Variants in PHACTR2 observed in about 807,000 individuals in gnomAD.
PHACTR2 encodes chromosome 6 open reading frame 56.
Under a neutral mutation model 76.0 loss-of-function variants are expected in PHACTR2, and 30 were observed. The observed-to-expected ratio is 0.39, with a 90% CI of 0.30 to 0.54. PHACTR2 has a LOEUF of 0.54. Among genes scored for constraint, PHACTR2 ranks in the 20% least tolerant of loss-of-function variants. PHACTR2 has a pLI of 0.61. For missense variants in PHACTR2, 696 were observed against 781.1 expected (o/e 0.89, Z 1.30); for synonymous variants, 292 against 292.5 (o/e 1.00, Z 0.02).
chr6:143,594,877 G>A (rs1046678831), intron 1 of PHACTR2, among the ~76,000 whole-genome samples: 4 of 152,240 alleles, frequency 2.6e-5, no homozygotes, highest in Admixed American at 1.3e-4. Context: ...GTTGCTGTCA[G>A]GTGGGGTGAG....
chr6:143,600,869 T>C (rs1775808149), intron 1 of PHACTR2, among the ~76,000 whole-genome samples: 1 of 152,180 alleles, frequency 6.6e-6, no homozygotes, highest in South Asian at 2.1e-4. Flanking sequence ...TTCAATAAAA[T>C]AAGATTCTAT....
chr6:143,745,118 T>C (rs1779027781), intron 2 of PHACTR2, among the ~76,000 whole-genome samples: 5 of 152,178 alleles, frequency 3.3e-5, no homozygotes, highest in Admixed American at 3.3e-4. Context: ...AGTATCTTGG[T>C]TGTGCTGTAG....
intron 12 of PHACTR2, chr6:143,810,639 G>T: frequency 2.4e-6 from 1 of 422,506 alleles, no homozygotes; most frequent in Non-Finnish European, 4.8e-6. Context: ...CTACCAGCCT[G>T]GTCAACATAG....
chr6:143,746,913 T>C (rs1779080366), intron 2 of PHACTR2, among the ~76,000 whole-genome samples: 1 of 152,134 alleles, frequency 6.6e-6, no homozygotes, highest in African/African-American at 2.4e-5. Flanking sequence ...TGTTGTTACT[T>C]GCTTCTGGAA....
chr6:143,641,743 T>C lies in PHACTR2; in HGVS notation c.13+33421T>C, dbSNP rs537903009. The stretch of plus-strand genomic sequence containing the variant: ...CTGGTCTTGAACTCCCAACCTCAGG[T>C]GATCCACTGGCCTCAGCCTCCGAAA... On this transcript the variant is annotated intron_variant, in intron 1 of 11. Transcript: ENST00000305766. The surrounding 1 kb of genome is among the most constrained non-coding windows in gnomAD (Gnocchi z 5.8). 7.2e-5 allele frequency among the ~76,000 whole-genome samples: 11 copies of C among 152,188 alleles called. No homozygotes were observed. The highest frequency in any genetic ancestry group is 2.6e-4 in the African/African-American group (11 of 41,524).
chr6:143,801,816 T>C lies in PHACTR2; in HGVS notation c.1846-5241T>C, dbSNP rs149764825. On this transcript the variant is annotated intron_variant, in intron 11 of 12. Transcript: ENST00000440869. This position sits in a 1 kb window ranked among gnomAD's most constrained non-coding sequence, Gnocchi z 4.6. Reference sequence around the variant, plus strand: ...GAATTTTCAGCCTTTCTGCCTTGGTTTCTCCCCATCTTTGTGGTTTTATTT... The same window carrying C: ...GAATTTTCAGCCTTTCTGCCTTGGTCTCTCCCCATCTTTGTGGTTTTATTT... 6.6e-3 allele frequency among the ~76,000 whole-genome samples: 1,002 copies of C among 152,316 alleles called. 12 individuals carry two copies. The highest frequency in any genetic ancestry group is 0.022 in the African/African-American group (913 of 41,574).
intron 12 of PHACTR2, among the ~76,000 whole-genome samples, chr6:143,815,406 C>T (rs1254354932): frequency 6.6e-6 from 1 of 151,918 alleles, no homozygotes; most frequent in Non-Finnish European, 1.5e-5. Context: ...CAAAGCCAAA[C>T]CCTGTCTCTT....
At position 143,646,122 on chromosome 6, in the gene PHACTR2, T is replaced by G. The variant is rs1482231355; in HGVS notation, c.13+37800T>G. ...CATCAAAATGTATATTCTCCAGTCC[T>G]TAAACAGGCATTCAATGAGCATCTC... On this transcript the variant is annotated intron_variant, in intron 1 of 11. Coordinates refer to the PHACTR2 transcript ENST00000305766. The surrounding 1 kb of genome is among the most constrained non-coding windows in gnomAD (Gnocchi z 4.1). 6.6e-6 allele frequency among the ~76,000 whole-genome samples: 1 copy of G among 152,188 alleles called. No homozygotes were observed. The highest frequency in any genetic ancestry group is 1.5e-5 in the Non-Finnish European group (1 of 68,012).
At position 143,755,842 on chromosome 6, in the gene PHACTR2, C is replaced by T. The variant is rs981421577; in HGVS notation, c.454+1930C>T. On this transcript the variant is annotated intron_variant, in intron 4 of 12. Coordinates refer to ENST00000440869, the MANE Select transcript of PHACTR2 (RefSeq NM_001100164.2). The surrounding 1 kb of genome is among the most constrained non-coding windows in gnomAD (Gnocchi z 5.2). ...GTGTATTATGTTAATTAGAAAATGC[C>T]TTATGACAAAGGTAACAATTTATTT... Among the ~76,000 whole-genome samples the T allele has an allele frequency of 6.6e-6, 1 of 152,090 alleles. No homozygotes were observed. The highest frequency in any genetic ancestry group is 1.5e-5 in the Non-Finnish European group (1 of 68,022).
rs1776621584 is a variant in PHACTR2, at chr6:143,829,739, T to C, written c.*6050T>C. Reference sequence around the variant, plus strand: ...AGCAAAATGGAATTAACTTAGCCACTATAATTTTTTAAAACATTAAAGTTT... The same window carrying C: ...AGCAAAATGGAATTAACTTAGCCACCATAATTTTTTAAAACATTAAAGTTT... On this transcript the variant is annotated 3_prime_UTR_variant, in exon 13 of 13. Coordinates refer to ENST00000440869, the MANE Select transcript of PHACTR2 (RefSeq NM_001100164.2). 6.6e-6 allele frequency: 1 copy of C among 152,266 alleles called. No individual in the cohort carries two copies. The highest frequency in any genetic ancestry group is 6.5e-5 in the Admixed American group (1 of 15,286). 9.4% of individuals were successfully genotyped at this position (152,266 alleles called of 1,614,324 possible). A position where few individuals can be genotyped will look rare whatever the true frequency, so the allele number is the denominator to read the frequency against.
intron 1 of PHACTR2, among the ~76,000 whole-genome samples, chr6:143,588,677 A>G (rs183569963): frequency 2.6e-5 from 4 of 152,370 alleles, no homozygotes; most frequent in South Asian, 2.1e-4. Context: ...AGTCAGTTCT[A>G]TGAAAAGACT....
At chr6:143,773,751 C>G (rs1388044737) in intron 7 of PHACTR2, among the ~76,000 whole-genome samples, 1 of 152,202 alleles carries the variant, frequency 6.6e-6, no homozygotes, top group Non-Finnish European at 1.5e-5. Context: ...TCATTCATTT[C>G]TATGATCCAC....
At position 143,712,158 on chromosome 6, in the gene PHACTR2, C is replaced by T. The variant is rs575741318; in HGVS notation, c.189C>T (p.Ser63=). 28 of 1,538,028 alleles carry T rather than the reference C, an allele frequency of 1.8e-5. No homozygotes were observed. Among genetic ancestry groups the T allele is most frequent in the East Asian group, 1.2e-4 (5 of 42,640 alleles). ...KPWKWRKKKT[S]DKFRETSAVL... ...GGAAATGGAGGAAAAAGAAGACCAG[C>T]GACAAATTTAGAGAAACCTCGGCAG... is the stretch of plus-strand genomic sequence containing the variant. Residue 63 remains serine, a synonymous_variant, in exon 2 of 13, where the codon AGC becomes AGT. Transcript: ENST00000440869.
At chr6:143,545,575 G>A (rs1761467425) in intron 1 of PHACTR2, among the ~76,000 whole-genome samples, 1 of 152,128 alleles carries the variant, frequency 6.6e-6, no homozygotes, top group Admixed American at 6.5e-5. Context: ...CTTTTTTCAG[G>A]TAAGGAACCT....
At chr6:143,566,631 CA>C (rs1775366885) in intron 1 of PHACTR2, among the ~76,000 whole-genome samples, 1 of 151,926 alleles carries the variant, frequency 6.6e-6, no homozygotes, top group African/African-American at 2.4e-5. Flanking sequence ...AAATATAAAC[CA>C]AAAGTAGGTA....
chr6:143,564,179 GTGTA>G (rs1189814641), intron 1 of PHACTR2, among the ~76,000 whole-genome samples: 1 of 34,426 alleles, frequency 2.9e-5, no homozygotes, highest in African/African-American at 9.0e-5. Context: ...ATATGTGTGT[GTGTA>G]TGTGTGTGTG....
At chr6:143,565,513 G>C (rs1332144442) in intron 1 of PHACTR2, among the ~76,000 whole-genome samples, 1 of 151,346 alleles carries the variant, frequency 6.6e-6, no homozygotes, top group Admixed American at 6.6e-5. Flanking sequence ...GCTGAGGCAG[G>C]AGAATGGCGT....
At chr6:143,630,795 A>G (rs1408562705) in intron 1 of PHACTR2, among the ~76,000 whole-genome samples, 2 of 152,238 alleles carry the variant, frequency 1.3e-5, no homozygotes, top group Non-Finnish European at 2.9e-5. Flanking sequence ...ACTAAGCCAG[A>G]AATACACTGG....
chr6:143,753,667 T>C lies in PHACTR2; in HGVS notation c.296-87T>C, dbSNP rs912551153. 2.3e-5 allele frequency: 21 copies of C among 903,554 alleles called. No individual in the cohort carries two copies. The highest frequency in any genetic ancestry group is 3.0e-5 in the Non-Finnish European group (18 of 591,194). The allele number at this position is 903,554 out of a possible 1,614,324, so 56.0% of individuals were successfully genotyped here. A position where few individuals can be genotyped will look rare whatever the true frequency, so the allele number is the denominator to read the frequency against. On this transcript the variant is annotated intron_variant, in intron 3 of 12. Coordinates refer to ENST00000440869, the MANE Select transcript of PHACTR2 (RefSeq NM_001100164.2). This position sits in a 1 kb window ranked among gnomAD's most constrained non-coding sequence, Gnocchi z 4.6. ...TGGTTCCCAGGGACTGAAACATGAA[T>C]CTAAATTTTACAATCCTAGTAACTG... is the stretch of plus-strand genomic sequence containing the variant.
Sources: allele counts gnomAD v4.1 joint callset (sites outside exome capture counted in the v4.1 genomes callset), GRCh38; gene constraint gnomAD v4.1.1; non-coding constraint Gnocchi (gnomAD v3.1); transcripts MANE v1.5; gene names NCBI Gene and HGNC (gene_info 2026-07-23, HGNC 2026-07-21).